MDGA2: variants seen among roughly 807,000 people sequenced by gnomAD.
MDGA2 encodes the protein MAM domain containing glycosylphosphatidylinositol anchor 2.
A neutral mutation model predicts 117.8 loss-of-function variants in MDGA2; 40 were observed. The observed-to-expected ratio is 0.34, with a 90% CI of 0.26 to 0.44. MDGA2 has a LOEUF of 0.44. Ranked by LOEUF, MDGA2 falls within the 20% of genes least tolerant of loss-of-function variation. MDGA2 has a pLI of 1.00. For missense variants in MDGA2, 1,123 were observed against 1,250.6 expected (o/e 0.90, Z 1.54); for synonymous variants, 452 against 439.0 (o/e 1.03, Z -0.37).
Position 47,467,908 on chromosome 14 carries a change from C to T in MDGA2, c.281-166358G>A, listed in dbSNP as rs143355068. On this transcript the variant is annotated intron_variant, in intron 1 of 16. Coordinates refer to ENST00000399232, the MANE Select transcript of MDGA2 (RefSeq NM_001113498.3). The stretch of plus-strand genomic sequence containing the variant: ...CAGTAAAATGAAAACTCAGTTAACA[C>T]AGTGTCATTACTTAATGAAATGTCT... Among the ~76,000 whole-genome samples, 416 of 152,222 alleles carry T rather than the reference C, an allele frequency of 2.7e-3. 1 individual carries two copies. Among genetic ancestry groups the T allele is most frequent in the African/African-American group, 9.6e-3 (397 of 41,536 alleles).
At chr14:47,140,874 G>A (rs1882688148) in intron 4 of MDGA2, among the ~76,000 whole-genome samples, 1 of 152,072 alleles carries the variant, frequency 6.6e-6, no homozygotes, top group Non-Finnish European at 1.5e-5. Context: ...ACAACTTACA[G>A]AATGGGAGAA....
chr14:47,251,496 G>A (rs542871811), intron 2 of MDGA2, among the ~76,000 whole-genome samples: 4 of 152,132 alleles, frequency 2.6e-5, no homozygotes, highest in Admixed American at 6.5e-5. Context: ...AACACTTGAC[G>A]TTGTCTACTA....
intron 7 of MDGA2, among the ~76,000 whole-genome samples, chr14:47,056,852 G>A (rs1435046683): frequency 2.6e-5 from 4 of 151,960 alleles, no homozygotes; most frequent in African/African-American, 9.7e-5. Context: ...AAAATTTTAG[G>A]CTAAAATTCA....
chr14:47,192,342 G>T (rs1260317245), intron 3 of MDGA2, among the ~76,000 whole-genome samples: 5 of 152,086 alleles, frequency 3.3e-5, no homozygotes, highest in African/African-American at 1.2e-4. Context: ...GGGGCCGAAC[G>T]AGGTGACTCA....
chr14:47,116,911 GACC>G (rs1205293650), intron 5 of MDGA2, among the ~76,000 whole-genome samples: 15 of 146,522 alleles, frequency 1.0e-4, no homozygotes, highest in Non-Finnish European at 2.3e-4. Flanking sequence ...AAACAAGTGG[GACC>G]ACATCAAAAT....
At chr14:47,221,981 T>G (rs191750090) in intron 2 of MDGA2, among the ~76,000 whole-genome samples, 30 of 152,110 alleles carry the variant, frequency 2.0e-4, no homozygotes, top group African/African-American at 7.2e-4. Flanking sequence ...ACTCTTTTAT[T>G]AATTTTGAAA....
intron 1 of MDGA2, among the ~76,000 whole-genome samples, chr14:47,669,831 T>C (rs916916040): frequency 6.6e-6 from 1 of 152,226 alleles, no homozygotes; most frequent in East Asian, 1.9e-4. Flanking sequence ...CAGTATCTCA[T>C]CACACGGCCT....
At chr14:47,029,041 A>T (rs914173285) in intron 8 of MDGA2, among the ~76,000 whole-genome samples, 4 of 152,148 alleles carry the variant, frequency 2.6e-5, no homozygotes, top group African/African-American at 9.7e-5. Flanking sequence ...ATATTACCTC[A>T]GTACACTAAT....
At chr14:47,502,478 C>A (rs1035356064) in intron 1 of MDGA2, among the ~76,000 whole-genome samples, 1 of 152,078 alleles carries the variant, frequency 6.6e-6, no homozygotes, top group Non-Finnish European at 1.5e-5. Flanking sequence ...AGAGAAATGC[C>A]ACTCATCAGT....
chr14:47,347,788 C>T (rs768339704), intron 1 of MDGA2, among the ~76,000 whole-genome samples: 4 of 152,086 alleles, frequency 2.6e-5, no homozygotes, highest in Non-Finnish European at 2.9e-5. Flanking sequence ...GACATCATTA[C>T]GATGTCCAAT....
chr14:47,412,863 C>T (rs528365415), intron 1 of MDGA2, among the ~76,000 whole-genome samples: 1 of 152,308 alleles, frequency 6.6e-6, no homozygotes, highest in Admixed American at 6.5e-5. Flanking sequence ...AACAGTTTTG[C>T]ATTCATCCTT....
At chr14:47,554,669 T>C (rs1895650683) in intron 1 of MDGA2, among the ~76,000 whole-genome samples, 1 of 152,186 alleles carries the variant, frequency 6.6e-6, no homozygotes, top group Non-Finnish European at 1.5e-5. Context: ...TAGTTTTCCA[T>C]TTCACCTAAG....
chr14:47,433,985 C>T (rs982030370), intron 1 of MDGA2, among the ~76,000 whole-genome samples: 1 of 152,016 alleles, frequency 6.6e-6, no homozygotes, highest in Non-Finnish European at 1.5e-5. Context: ...AATTATCATT[C>T]TCAAATTAAT....
intron 1 of MDGA2, among the ~76,000 whole-genome samples, chr14:47,391,145 C>A (rs761547595): frequency 2.0e-5 from 3 of 152,156 alleles, no homozygotes; most frequent in Non-Finnish European, 4.4e-5. Context: ...GGTATGATAT[C>A]CTCTGTGAAG....
intron 10 of MDGA2, among the ~76,000 whole-genome samples, chr14:46,901,351 G>A (rs1307180089): frequency 3.3e-5 from 5 of 152,038 alleles, no homozygotes; most frequent in African/African-American, 1.2e-4. Flanking sequence ...AAATTAAAAA[G>A]AGTATCAAAG....
chr14:47,170,074 A>G (rs1884057132), intron 3 of MDGA2, among the ~76,000 whole-genome samples: 1 of 152,166 alleles, frequency 6.6e-6, no homozygotes, highest in Non-Finnish European at 1.5e-5. Context: ...TCACCAGAAT[A>G]ACTCCTGGAG....
intron 1 of MDGA2, among the ~76,000 whole-genome samples, chr14:47,453,250 T>C (rs1436066105): frequency 2.0e-5 from 3 of 152,120 alleles, no homozygotes; most frequent in East Asian, 3.8e-4. Flanking sequence ...GCTTTACTTT[T>C]GATTATTCCA....
chr14:46,993,619 G>A (rs761570450), intron 8 of MDGA2, among the ~76,000 whole-genome samples: 20 of 151,632 alleles, frequency 1.3e-4, no homozygotes, highest in Non-Finnish European at 1.5e-4. Context: ...ATGCCACCAC[G>A]CCCAGCTAAT....
At chr14:47,035,394 C>G in intron 7 of MDGA2, 90 bp from the exon 8 acceptor site, 1 of 1,042,732 alleles carries the variant, frequency 9.6e-7, no homozygotes, top group Admixed American at 2.5e-5. Flanking sequence ...ACAATTTCTG[C>G]TGGCTGAAGA....
Sources: gnomAD v4.1 joint callset for allele counts (sites outside exome capture counted in the v4.1 genomes callset) on GRCh38, gnomAD v4.1.1 for gene constraint, MANE v1.5 for transcripts, NCBI Gene and HGNC (gene_info 2026-07-23, HGNC 2026-07-21) for gene names.